ZNF503: variants seen among roughly 807,000 people sequenced by gnomAD.
ZNF503 encodes the protein zinc finger protein 503.
Under a neutral mutation model 34.4 loss-of-function variants are expected in ZNF503, and 15 were observed. The ratio of observed to expected loss-of-function variants is 0.44; its 90% CI spans 0.29 to 0.67. The LOEUF (loss-of-function observed/expected upper bound fraction) is 0.67, where lower values mean the gene tolerates loss of function less well. ZNF503 is among the 30% of genes least tolerant of loss of function. The pLI is 0.13. For missense variants in ZNF503, 1,007 were observed against 926.8 expected (o/e 1.09, Z -1.12); for synonymous variants, 580 against 456.8 (o/e 1.27, Z -3.44).
the ZNF503 span, among the ~76,000 whole-genome samples, chr10:75,368,336 A>G: frequency 6.6e-6 from 1 of 152,192 alleles, no homozygotes; most frequent in African/African-American, 2.4e-5. Context: ...ACCAATAAGA[A>G]TAACAAATCT....
At chr10:75,283,019 T>A in the ZNF503 span, among the ~76,000 whole-genome samples, 1 of 152,232 alleles carries the variant, frequency 6.6e-6, no homozygotes, top group African/African-American at 2.4e-5. Flanking sequence ...AACCTTGAGT[T>A]TTAAATTAAG....
the ZNF503 span, among the ~76,000 whole-genome samples, chr10:75,363,615 C>A: frequency 6.6e-6 from 1 of 152,222 alleles, no homozygotes; most frequent in Non-Finnish European, 1.5e-5. Context: ...GCTGTGTACT[C>A]CACAGCCCTA....
the ZNF503 span, chr10:75,382,482 G>A: frequency 1.4e-6 from 1 of 711,608 alleles, no homozygotes; most frequent in Admixed American, 2.5e-5. Flanking sequence ...AAGGCAGCCT[G>A]GATTTTGACA....
At chr10:75,329,411 TTCCTTTCC>T in the ZNF503 span, among the ~76,000 whole-genome samples, 19,994 of 88,136 alleles carry the variant, frequency 0.23, 1,784 homozygotes, top group Non-Finnish European at 0.29. Flanking sequence ...CCTTCCTTCC[TTCCTTTCC>T]TTCCTTCCTT....
rs1843767341 is a variant in ZNF503 at position 75,400,092 on chromosome 10, C to T, written c.598G>A (p.Gly200Ser). 6.5e-7 allele frequency: 1 copy of T among 1,545,908 alleles called. No individual in the cohort carries two copies. The part of the protein sequence containing the change: ...GGGGGGGGGG[G>S]GGGGVSSEKS... ...TCCGACGAAACACCCCCGCCGCCGC[C>T]CCCGCCACCGCCACCGCCTCCACCG... The change falls in exon 2 of 2, where the codon GGC (glycine) becomes AGC (serine). Residue 200 changes from glycine (G) to serine (S), a missense_variant. Physicochemically the swap from Gly to Ser is moderately conservative, Grantham distance 56. Coordinates refer to ENST00000372524, the MANE Select transcript of ZNF503 (RefSeq NM_032772.6).
At chr10:75,396,409 G>A (rs1269502850), downstream of ZNF503, among the ~76,000 whole-genome samples, 3 of 152,198 alleles carry the variant, frequency 2.0e-5, no homozygotes, top group Non-Finnish European at 4.4e-5. The surrounding 1 kb of genome is among the most constrained non-coding windows in gnomAD (Gnocchi z 4.4). Flanking sequence ...GGCGGCCCGC[G>A]CGCTTCCCGC....
chr10:75,306,732 T>C, the ZNF503 span, among the ~76,000 whole-genome samples: 1 of 152,216 alleles, frequency 6.6e-6, no homozygotes, highest in Non-Finnish European at 1.5e-5. Context: ...GTGTCACAAT[T>C]TGGTAATTCT....
the ZNF503 span, among the ~76,000 whole-genome samples, chr10:75,386,165 C>T: frequency 2.0e-5 from 3 of 152,212 alleles, no homozygotes; most frequent in African/African-American, 4.8e-5. Context: ...GGTGTAGCCA[C>T]GTGACTATGA....
rs1328023760 is a variant in ZNF503 at position 75,399,220 on chromosome 10, GGCGCCAGCAGCC to G, written c.1458_1469del (p.Ala487_Ala490del). On this transcript the variant is annotated inframe_deletion, in exon 2 of 2. Coordinates refer to ENST00000372524, the MANE Select transcript of ZNF503 (RefSeq NM_032772.6). The stretch of plus-strand genomic sequence containing the variant: ...GGTGGCCGGCCAGGGAGGGCGGTGT[GGCGCCAGCAGCC>G]GCGGCGGCCGTTAGCGAGGAGTGCA... 1 of 1,593,350 alleles carries G rather than the reference GGCGCCAGCAGCC, an allele frequency of 6.3e-7. No homozygotes were observed. The highest frequency in any genetic ancestry group is 1.7e-5 in the Admixed American group (1 of 58,638).
the ZNF503 span, among the ~76,000 whole-genome samples, chr10:75,348,017 G>A: frequency 1.3e-5 from 2 of 151,884 alleles, no homozygotes; most frequent in African/African-American, 2.4e-5. Context: ...TGAATAGCTG[G>A]GATTACAGGC....
At chr10:75,341,962 C>G in the ZNF503 span, among the ~76,000 whole-genome samples, 1 of 152,104 alleles carries the variant, frequency 6.6e-6, no homozygotes. Context: ...AACATTTTCC[C>G]TTGGCTTATT....
the ZNF503 span, among the ~76,000 whole-genome samples, chr10:75,324,771 C>G: frequency 6.6e-6 from 1 of 152,196 alleles, no homozygotes; most frequent in East Asian, 1.9e-4. Flanking sequence ...TCACCACTAT[C>G]TAATTCTAGG....
the ZNF503 span, among the ~76,000 whole-genome samples, chr10:75,311,294 C>A: frequency 6.6e-4 from 100 of 152,266 alleles, 1 homozygote; most frequent in African/African-American, 1.6e-3. Context: ...TTAGATTGTG[C>A]CCACCCAGTT....
At chr10:75,331,486 G>A in the ZNF503 span, among the ~76,000 whole-genome samples, 1 of 152,090 alleles carries the variant, frequency 6.6e-6, no homozygotes, top group Non-Finnish European at 1.5e-5. Context: ...ATCTCACTTT[G>A]TCACCAAGTG....
chr10:75,322,173 G>A, the ZNF503 span, among the ~76,000 whole-genome samples: 5 of 144,224 alleles, frequency 3.5e-5, no homozygotes, highest in African/African-American at 1.3e-4. Flanking sequence ...TCACCAGGCT[G>A]GAGTGCAGTG....
the ZNF503 span, chr10:75,288,389 A>T: frequency 6.6e-6 from 1 of 152,398 alleles, no homozygotes; most frequent in South Asian, 2.1e-4. Context: ...CAGTTGGGCT[A>T]CATGTCCAAG....
chr10:75,390,044 C>A, the ZNF503 span, among the ~76,000 whole-genome samples: 1 of 152,068 alleles, frequency 6.6e-6, no homozygotes, highest in Non-Finnish European at 1.5e-5. Flanking sequence ...AGGCACCCCC[C>A]CACCACGCCC....
the ZNF503 span, among the ~76,000 whole-genome samples, chr10:75,366,203 C>T: frequency 6.6e-6 from 1 of 152,200 alleles, no homozygotes; most frequent in Non-Finnish European, 1.5e-5. Flanking sequence ...TAGGTTTGAG[C>T]TCTTTTGTAT....
the ZNF503 span, among the ~76,000 whole-genome samples, chr10:75,310,905 T>G: frequency 6.6e-6 from 1 of 152,170 alleles, no homozygotes; most frequent in African/African-American, 2.4e-5. Context: ...CATAACATAA[T>G]ATGAAATGTT....
Sources: gnomAD v4.1 joint callset for allele counts (sites outside exome capture counted in the v4.1 genomes callset) on GRCh38, gnomAD v4.1.1 for gene constraint, Gnocchi (gnomAD v3.1) non-coding constraint, MANE v1.5 for transcripts, NCBI Gene and HGNC (gene_info 2026-07-23, HGNC 2026-07-21) for gene names.